Variants in TRHDE observed in about 807,000 individuals in gnomAD.
The protein encoded by TRHDE is thyrotropin-releasing hormone-degrading ectoenzyme.
A neutral mutation model predicts 125.7 loss-of-function variants in TRHDE; 72 were observed. The ratio of observed to expected loss-of-function variants is 0.57; its 90% CI spans 0.47 to 0.70. The LOEUF (loss-of-function observed/expected upper bound fraction) is 0.70, where lower values mean the gene tolerates loss of function less well. Among genes scored for constraint, TRHDE ranks in the 30% least tolerant of loss-of-function variants. The probability of loss-of-function intolerance (pLI) is 0.00; values close to 1 mark genes in which losing one functional copy is unlikely to be tolerated. For missense variants in TRHDE, 1,110 were observed against 1,327.1 expected (o/e 0.84, Z 2.54); for synonymous variants, 509 against 509.1 (o/e 1.00, Z 0.00).
intron 3 of TRHDE, among the ~76,000 whole-genome samples, chr12:72,454,603 G>A (rs565658761): frequency 3.3e-5 from 5 of 152,152 alleles, no homozygotes; most frequent in African/African-American, 9.6e-5. Context: ...TATTTTACTC[G>A]CCAATCTTCA....
At chr12:72,637,494 T>G (rs1414781539) in intron 15 of TRHDE, among the ~76,000 whole-genome samples, 4 of 152,132 alleles carry the variant, frequency 2.6e-5, no homozygotes, top group Non-Finnish European at 5.9e-5. Flanking sequence ...TTTTTGTGTC[T>G]CTATGTCCTT....
chr12:72,185,503 G>C (rs1193159298), intron 2 of TRHDE, among the ~76,000 whole-genome samples: 1 of 152,270 alleles, frequency 6.6e-6, no homozygotes, highest in Admixed American at 6.5e-5. Context: ...AAGCCAGCTG[G>C]GCTCCTGAGT....
At chr12:72,574,298 C>G (rs1315486468) in intron 10 of TRHDE, among the ~76,000 whole-genome samples, 1 of 151,892 alleles carries the variant, frequency 6.6e-6, no homozygotes, top group South Asian at 2.1e-4. Flanking sequence ...TCTGTGATGC[C>G]TTTTATGGTT....
chr12:72,586,283 G>T (rs1871435164), intron 12 of TRHDE, among the ~76,000 whole-genome samples: 1 of 152,224 alleles, frequency 6.6e-6, no homozygotes, highest in African/African-American at 2.4e-5. Context: ...AAGATTTTGT[G>T]CAATGAAGTG....
intron 15 of TRHDE, among the ~76,000 whole-genome samples, chr12:72,637,644 G>C (rs1033082489): frequency 6.6e-6 from 1 of 152,060 alleles, no homozygotes; most frequent in East Asian, 1.9e-4. Context: ...GGCATGTAGT[G>C]CTATAAATTT....
In TRHDE at chr12:72,665,783, GACA is replaced by G. The variant is rs1298173383; in HGVS notation, c.*2592_*2594del. The G allele has an allele frequency of 6.6e-6, 1 of 152,008 alleles. No homozygotes were observed. The highest frequency in any genetic ancestry group is 2.4e-5 in the African/African-American group (1 of 41,416). The allele number at this position is 152,008 out of a possible 1,614,324, so 9.4% of individuals were successfully genotyped here. A position where few individuals can be genotyped will look rare whatever the true frequency, so the allele number is the denominator to read the frequency against. ...CAAAAAAGTAGTTTCAATTAGAAAGGACAACATTATTTATCACATTGAGTATTA... is the reference window on the plus strand; with the variant it reads ...CAAAAAAGTAGTTTCAATTAGAAAGGACATTATTTATCACATTGAGTATTA... On this transcript the variant is annotated 3_prime_UTR_variant, in exon 19 of 19. Transcript: ENST00000261180.
intron 7 of TRHDE, chr12:72,560,441 T>C (rs191293612): frequency 1.4e-4 from 22 of 152,342 alleles, no homozygotes; most frequent in Admixed American, 6.5e-4. Flanking sequence ...ATTTCCACTT[T>C]GCTGAATTAG....
intron 2 of TRHDE, among the ~76,000 whole-genome samples, chr12:72,373,820 G>A (rs922957542): frequency 3.9e-5 from 6 of 152,104 alleles, no homozygotes; most frequent in Non-Finnish European, 8.8e-5. Flanking sequence ...AGTTAGTGTG[G>A]AGCAAAGGAC....
In TRHDE at chr12:72,532,783, GATTAT is replaced by G. The variant is rs545940350; in HGVS notation, c.1723-9502_1723-9498del. Among the ~76,000 whole-genome samples, 154 of 149,168 alleles carry G rather than the reference GATTAT, an allele frequency of 1.0e-3. 1 individual carries two copies. Among genetic ancestry groups the G allele is most frequent in the African/African-American group, 3.7e-3 (151 of 40,886 alleles). On this transcript the variant is annotated intron_variant, in intron 6 of 18. Coordinates refer to ENST00000261180, the MANE Select transcript of TRHDE (RefSeq NM_013381.3). The stretch of plus-strand genomic sequence containing the variant: ...CTTCATAGAATCTATATTATATATA[GATTAT>G]ATTATTTATTGTATTATCACATATA...
intron 12 of TRHDE, among the ~76,000 whole-genome samples, chr12:72,597,773 ATAC>A (rs1872041498): frequency 1.4e-5 from 2 of 141,206 alleles, no homozygotes; most frequent in Non-Finnish European, 3.1e-5. Context: ...ACACACACAA[ATAC>A]ATATGTATAT....
At chr12:72,371,185 C>G (rs1871567515) in intron 2 of TRHDE, among the ~76,000 whole-genome samples, 1 of 151,950 alleles carries the variant, frequency 6.6e-6, no homozygotes, top group Non-Finnish European at 1.5e-5. Flanking sequence ...CTTCCTGTGT[C>G]CAGCTTATCT....
intron 1 of TRHDE, among the ~76,000 whole-genome samples, chr12:72,278,864 CTG>C (rs2139416777): frequency 6.6e-6 from 1 of 152,196 alleles, no homozygotes; most frequent in East Asian, 1.9e-4. Flanking sequence ...GATGTACAGA[CTG>C]CGAATATTTT....
chr12:72,436,181 T>C (rs759774995), intron 3 of TRHDE, among the ~76,000 whole-genome samples: 23 of 152,146 alleles, frequency 1.5e-4, no homozygotes, highest in Non-Finnish European at 2.9e-4. Context: ...ATTGAAAATA[T>C]TTTTCTTAAG....
intron 2 of TRHDE, among the ~76,000 whole-genome samples, chr12:72,146,986 T>G (rs763246984): frequency 4.6e-5 from 7 of 152,186 alleles, no homozygotes; most frequent in Non-Finnish European, 8.8e-5. Context: ...AGCCTGACTC[T>G]TCTCCAACGG....
chr12:72,174,270 C>T (rs528683827), intron 2 of TRHDE, among the ~76,000 whole-genome samples: 1 of 152,090 alleles, frequency 6.6e-6, no homozygotes, highest in African/African-American at 2.4e-5. Flanking sequence ...TTCAGCTGAA[C>T]CCACCCAGAA....
intron 5 of TRHDE, among the ~76,000 whole-genome samples, chr12:72,488,223 G>A (rs901351706): frequency 3.3e-5 from 5 of 152,022 alleles, no homozygotes; most frequent in African/African-American, 1.2e-4. Context: ...TAGAGTGGCT[G>A]AGTGTATAAG....
chr12:72,212,834 A>C (rs575798781), intron 2 of TRHDE, among the ~76,000 whole-genome samples: 1 of 152,278 alleles, frequency 6.6e-6, no homozygotes, highest in South Asian at 2.1e-4. Context: ...ACTCCTTGGC[A>C]TATACCTGAG....
At chr12:72,162,440 A>G (rs1463964389) in intron 2 of TRHDE, among the ~76,000 whole-genome samples, 1 of 152,114 alleles carries the variant, frequency 6.6e-6, no homozygotes, top group East Asian at 1.9e-4. Context: ...CAGAATTAGT[A>G]TGGTTTTGCA....
At chr12:72,140,619 T>C (rs1876090483) in intron 2 of TRHDE, among the ~76,000 whole-genome samples, 1 of 152,222 alleles carries the variant, frequency 6.6e-6, no homozygotes, top group South Asian at 2.1e-4. Flanking sequence ...TTGTCAACAC[T>C]ATTTTGAGAA....
Sources: allele counts gnomAD v4.1 joint callset (sites outside exome capture counted in the v4.1 genomes callset), GRCh38; gene constraint gnomAD v4.1.1; transcripts MANE v1.5; gene names NCBI Gene and HGNC (gene_info 2026-07-23, HGNC 2026-07-21).